Variants in IL17RA observed in about 807,000 individuals in gnomAD.
The protein encoded by IL17RA is interleukin-17 receptor A.
Under a neutral mutation model 50.4 loss-of-function variants are expected in IL17RA, and 34 were observed. The ratio of observed to expected loss-of-function variants is 0.67; its 90% CI spans 0.51 to 0.90. The LOEUF (loss-of-function observed/expected upper bound fraction) is 0.90. Among genes scored for constraint, IL17RA ranks in the 40% least tolerant of loss-of-function variants. IL17RA has a pLI of 0.00. For synonymous variants in IL17RA, 585 were observed against 510.4 expected (o/e 1.15, Z -1.97); for missense variants, 1,276 against 1,169.8 (o/e 1.09, Z -1.32).
intron 1 of IL17RA, among the ~76,000 whole-genome samples, chr22:17,092,177 A>G (rs1272457478): frequency 2.0e-5 from 3 of 152,230 alleles, no homozygotes; most frequent in Non-Finnish European, 4.4e-5. Flanking sequence ...AACGGGGTTC[A>G]GAGAGCTTCC....
rs1456581818 is a variant in IL17RA, at chr22:17,097,047, C to G, written c.139-15C>G. Reference sequence around the variant, plus strand: ...CCTTTTCCCAGCTGTAATAACCACCCTCTTTTTTCCACAGGGGCTAAACTG... The same window carrying G: ...CCTTTTCCCAGCTGTAATAACCACCGTCTTTTTTCCACAGGGGCTAAACTG... On this transcript the variant is annotated splice_polypyrimidine_tract_variant and intron_variant, in intron 1 of 12. Transcript: ENST00000319363. 2 of 1,613,044 alleles carry G rather than the reference C, an allele frequency of 1.2e-6. No homozygotes were observed. Among genetic ancestry groups the G allele is most frequent in the Non-Finnish European group, 1.7e-6 (2 of 1,179,026 alleles).
intron 9 of IL17RA, among the ~76,000 whole-genome samples, chr22:17,105,379 C>T (rs1287621792): frequency 6.6e-6 from 1 of 152,162 alleles, no homozygotes; most frequent in Non-Finnish European, 1.5e-5. Context: ...GAAGGAGAAC[C>T]CAGCCTCCCA....
chr22:17,091,204 A>G (rs1386992847), intron 1 of IL17RA, among the ~76,000 whole-genome samples: 3 of 152,220 alleles, frequency 2.0e-5, no homozygotes, highest in African/African-American at 7.2e-5. Context: ...GGATATAGAC[A>G]TATATATCAG....
chr22:17,107,331 C>G (rs1396566482), intron 11 of IL17RA, among the ~76,000 whole-genome samples: 1 of 152,200 alleles, frequency 6.6e-6, no homozygotes, highest in Non-Finnish European at 1.5e-5. Context: ...TAATGAGGAA[C>G]CAGAATGGAC....
At chr22:17,099,225 G>A (rs537537571) in intron 4 of IL17RA, among the ~76,000 whole-genome samples, 2 of 152,026 alleles carry the variant, frequency 1.3e-5, no homozygotes, top group Admixed American at 1.3e-4. Flanking sequence ...GTGTAACTTT[G>A]TGTAACATCT....
intron 1 of IL17RA, chr22:17,085,433 A>C (rs2061323605): frequency 4.1e-6 from 2 of 482,298 alleles, no homozygotes; most frequent in Non-Finnish European, 5.4e-6. Flanking sequence ...GCGGTGTGGA[A>C]TACGGGGGGG....
rs186017296 is a variant in IL17RA at position 17,094,528 on chromosome 22, A to C, written c.139-2534A>C. Among the ~76,000 whole-genome samples, 866 of 150,218 alleles carry C rather than the reference A, an allele frequency of 5.8e-3. 10 individuals carry two copies. The highest frequency in any genetic ancestry group is 0.02 in the African/African-American group (835 of 40,834). ...TATTTCACCTATATGTATATTTTTC[A>C]GTTTTGATTAAATCTTTTTTCCCCT... On this transcript the variant is annotated intron_variant, in intron 1 of 12. Transcript: ENST00000319363.
In IL17RA at chr22:17,109,313, G is replaced by A. The variant is rs902148910; in HGVS notation, c.2094G>A (p.Gly698=). The A allele has an allele frequency of 6.5e-7, 1 of 1,534,906 alleles. No homozygotes were observed. The highest frequency in any genetic ancestry group is 1.2e-5 in the South Asian group (1 of 83,930). Residue 698 remains glycine (G), a synonymous_variant, in exon 13 of 13, where the codon GGG becomes GGA. Transcript: ENST00000319363. ...DGAAVRLALA[G]EGEACPLLGS... ...CCGCAGTCCGGCTGGCACTGGCGGG[G>A]GAGGGCGAGGCCTGCCCGCTGCTGG...
Position 17,109,946 on chromosome 22 carries a change from A to G in IL17RA, c.*126A>G. ...TGTGAAATGTAGGCTTTAAAATGTA[A>G]ATGTCTGGATTTTAATCCCAGGCAT... is the stretch of plus-strand genomic sequence containing the variant. On this transcript the variant is annotated 3_prime_UTR_variant, in exon 13 of 13. Coordinates refer to ENST00000319363, the MANE Select transcript of IL17RA (RefSeq NM_014339.7). The G allele has an allele frequency of 1.0e-6, 1 of 967,080 alleles. No homozygotes were observed. Among genetic ancestry groups the G allele is most frequent in the Non-Finnish European group, 1.5e-6 (1 of 657,488 alleles). 59.9% of individuals were successfully genotyped at this position (967,080 alleles called of 1,614,324 possible). A position where few individuals can be genotyped will look rare whatever the true frequency, so the allele number is the denominator to read the frequency against.
chr22:17,108,857 C>T lies in IL17RA; in HGVS notation c.1638C>T (p.Arg546=), dbSNP rs2061425996. The T allele has an allele frequency of 6.2e-7, 1 of 1,609,144 alleles. No individual in the cohort carries two copies. The highest frequency in any genetic ancestry group is 1.7e-5 in the Admixed American group (1 of 59,438). Residue 546 remains arginine (R), a synonymous_variant, in exon 13 of 13, where the codon CGC becomes CGT. Coordinates refer to ENST00000319363, the MANE Select transcript of IL17RA (RefSeq NM_014339.7). ...IQDLEMFQPG[R]MHRVGELSGD... is the part of the protein sequence containing the mutation. ...ACCTGGAGATGTTCCAGCCGGGCCG[C>T]ATGCACCGCGTAGGGGAGCTGTCGG...
intron 1 of IL17RA, among the ~76,000 whole-genome samples, chr22:17,086,827 G>C (rs1350913490): frequency 6.6e-6 from 1 of 152,206 alleles, no homozygotes; most frequent in Non-Finnish European, 1.5e-5. Flanking sequence ...TCCTTAAGTG[G>C]GACAGGGTAC....
In IL17RA at chr22:17,102,951, G is replaced by C. The variant is rs1358596943; in HGVS notation, c.763-543G>C. Among the ~76,000 whole-genome samples the C allele has an allele frequency of 2.6e-5, 4 of 152,238 alleles. No individual in the cohort carries two copies. The East Asian group carries it at 7.7e-4, about 29-fold the overall frequency. ...GAGGTCAGGAGTTCGAGACCAGCCT[G>C]ACCAACATGATGAAACCCCATCTCT... On this transcript the variant is annotated intron_variant, in intron 7 of 12. Transcript: ENST00000319363.
intron 9 of IL17RA, 111 bp downstream of exon 9, chr22:17,104,921 T>C: frequency 3.0e-6 from 3 of 1,005,104 alleles, no homozygotes; most frequent in Non-Finnish European, 4.6e-6. Flanking sequence ...GAGGAGAGTT[T>C]AGTTTAACTT....
rs1243762175 is a variant in IL17RA at position 17,109,256 on chromosome 22, C to T, written c.2037C>T (p.Ala679=). The T allele has an allele frequency of 9.4e-6, 14 of 1,494,502 alleles. No individual in the cohort carries two copies. Among genetic ancestry groups the T allele is most frequent in the Middle Eastern group, 2.3e-4 (1 of 4,298 alleles). 92.6% of individuals were successfully genotyped at this position (1,494,502 alleles called of 1,614,324 possible). The change falls in exon 13 of 13, where the codon GCC becomes GCT. Residue 679 remains alanine (A), a synonymous_variant. Transcript: ENST00000319363. Reference sequence around the variant, plus strand: ...CCGCAGAGGAGGGGGCCCTGGTGGCCGCGGTGGAGCCTGGGCCCCTGGCTG... The same window carrying T: ...CCGCAGAGGAGGGGGCCCTGGTGGCTGCGGTGGAGCCTGGGCCCCTGGCTG... ...VLAAEEGALV[A]AVEPGPLADG... is the part of the protein sequence containing the mutation.
Position 17,114,321 on chromosome 22 carries a change from C to G in IL17RA, c.*4501C>G, listed in dbSNP as rs2061457990. On this transcript the variant is annotated 3_prime_UTR_variant, in exon 13 of 13. Transcript: ENST00000319363. The stretch of plus-strand genomic sequence containing the variant: ...CCATCGCCTCTCCCAGATCCTAGCA[C>G]TGGGTCCACACTCTCGCCCTGTCCA... 1 of 152,364 alleles carries G rather than the reference C, an allele frequency of 6.6e-6. No homozygotes were observed. The highest frequency in any genetic ancestry group is 1.5e-5 in the Non-Finnish European group (1 of 68,146). 9.4% of individuals were successfully genotyped at this position (152,364 alleles called of 1,614,324 possible).
chr22:17,103,639 A>G (rs2061399885), intron 8 of IL17RA, 62 bp downstream of exon 8: 1 of 1,239,254 alleles, frequency 8.1e-7, no homozygotes. Context: ...TAGAGTGGAC[A>G]GGAGTGAGGA....
intron 8 of IL17RA, among the ~76,000 whole-genome samples, 181 bp downstream of exon 8, chr22:17,103,758 CTG>C (rs1240663587): frequency 3.9e-5 from 3 of 76,858 alleles, no homozygotes; most frequent in East Asian, 3.5e-4. Flanking sequence ...TGTGGTGTGT[CTG>C]GGAGTGGGGA....
chr22:17,097,806 T>G lies in IL17RA; in HGVS notation c.173T>G (p.Leu58Arg). 6.2e-7 allele frequency: 1 copy of G among 1,614,204 alleles called. No homozygotes were observed. The change falls in exon 3 of 13, where the codon CTG becomes CGG. Residue 58 changes from leucine (L) to arginine (R), a missense_variant. By Grantham distance (102) the Leu-to-Arg change is moderately radical (BLOSUM62 -2). Coordinates refer to ENST00000319363, the MANE Select transcript of IL17RA (RefSeq NM_014339.7). Reference protein sequence around the residue: ...LNCTVKNSTCLDDSWIHPRNL... With the variant: ...LNCTVKNSTCRDDSWIHPRNL... ...TTTCCCTGGCTGCCAGGTACCTGCC[T>G]GGATGACAGCTGGATTCACCCTCGA... is the stretch of plus-strand genomic sequence containing the variant.
At chr22:17,100,532 G>T (rs1304593514) in intron 5 of IL17RA, 51 bp downstream of exon 5, 1 of 1,607,466 alleles carries the variant, frequency 6.2e-7, no homozygotes. Context: ...CTGTGAGAAG[G>T]AAGCACCAGG....
Sources: allele counts gnomAD v4.1 joint callset (sites outside exome capture counted in the v4.1 genomes callset), GRCh38; gene constraint gnomAD v4.1.1; transcripts MANE v1.5; gene names NCBI Gene and HGNC (gene_info 2026-07-23, HGNC 2026-07-21).